Variants in MICU1 observed in about 807,000 individuals in gnomAD.
MICU1 encodes the protein calcium uptake protein 1, mitochondrial.
Under a neutral mutation model 56.8 loss-of-function variants are expected in MICU1, and 45 were observed. That is an observed-to-expected ratio of 0.79 (90% CI 0.62 to 1.02). MICU1 has a LOEUF of 1.02. Among genes scored for constraint, MICU1 ranks in the 50% least tolerant of loss-of-function variants. The pLI, the probability that MICU1 is intolerant of heterozygous loss-of-function variation, is 0.00. For missense variants in MICU1, 504 were observed against 587.1 expected (o/e 0.86, Z 1.46); for synonymous variants, 186 against 195.1 (o/e 0.95, Z 0.39).
At chr10:72,427,730 TAA>T (rs1491453188) in intron 8 of MICU1, among the ~76,000 whole-genome samples, 2 of 117,714 alleles carry the variant, frequency 1.7e-5, no homozygotes, top group Non-Finnish European at 3.3e-5. Flanking sequence ...ACCCCATCTC[TAA>T]AATATATATA....
intron 10 of MICU1, among the ~76,000 whole-genome samples, chr10:72,383,467 C>G (rs1013493467): frequency 6.6e-6 from 1 of 152,152 alleles, no homozygotes; most frequent in Non-Finnish European, 1.5e-5. Context: ...TGGTGGTGTA[C>G]TAAATATTGT....
intron 5 of MICU1, among the ~76,000 whole-genome samples, chr10:72,517,896 CT>C (rs1241202067): frequency 6.6e-6 from 1 of 151,896 alleles, no homozygotes; most frequent in Non-Finnish European, 1.5e-5. Flanking sequence ...GCAAACACCA[CT>C]TATACACTTC....
chr10:72,373,326 A>C (rs1280348177), intron 11 of MICU1, among the ~76,000 whole-genome samples: 1 of 151,880 alleles, frequency 6.6e-6, no homozygotes, highest in Admixed American at 6.6e-5. Context: ...CTACATGCAC[A>C]CACTACCACA....
chr10:72,371,337 A>C (rs1268681898), intron 11 of MICU1, among the ~76,000 whole-genome samples: 1 of 145,594 alleles, frequency 6.9e-6, no homozygotes, highest in East Asian at 2.0e-4. Context: ...CAGTGAGCCG[A>C]GATCGCACCA....
At chr10:72,431,090 G>GTCTATCTATCTATCTA (rs578019162) in intron 8 of MICU1, among the ~76,000 whole-genome samples, 4 of 101,954 alleles carry the variant, frequency 3.9e-5, no homozygotes, top group Non-Finnish European at 6.4e-5. Context: ...ACCTTTATCT[G>GTCTATCTATCTATCTA]TCTGTCTATC....
chr10:72,520,937 A>G (rs1867798792), intron 5 of MICU1, among the ~76,000 whole-genome samples: 1 of 152,120 alleles, frequency 6.6e-6, no homozygotes, highest in African/African-American at 2.4e-5. Context: ...AGCAGCTTTG[A>G]GCAGGGGAAT....
intron 8 of MICU1, among the ~76,000 whole-genome samples, chr10:72,439,844 T>C (rs1478931301): frequency 6.6e-6 from 1 of 152,094 alleles, no homozygotes; most frequent in Non-Finnish European, 1.5e-5. Flanking sequence ...TTACAAGGGA[T>C]TGTGAAGGAC....
chr10:72,432,459 G>A (rs1044856522), intron 8 of MICU1, among the ~76,000 whole-genome samples: 1 of 152,058 alleles, frequency 6.6e-6, no homozygotes. Flanking sequence ...TAGTCCATTT[G>A]TGTTGCTATA....
intron 8 of MICU1, among the ~76,000 whole-genome samples, chr10:72,459,307 G>A (rs773523830): frequency 8.5e-5 from 13 of 152,146 alleles, no homozygotes; most frequent in Non-Finnish European, 1.2e-4. Flanking sequence ...CTCCAGCCTG[G>A]GCGGCAGAGC....
rs573626125 is a variant in MICU1 at position 72,579,602 on chromosome 10, T to G, written c.-1-12808A>C. 1.7e-4 allele frequency among the ~76,000 whole-genome samples: 25 copies of G among 146,474 alleles called. No individual in the cohort carries two copies. The South Asian group carries it at 3.1e-3, about 18-fold the overall frequency. On this transcript the variant is annotated intron_variant, in intron 1 of 11. Coordinates refer to ENST00000361114, the MANE Select transcript of MICU1 (RefSeq NM_001195518.2). ...TTTTTTTCATTTTATTAATAGTATG[T>G]TTTTTTTTACCATTAAGTACATATG...
intron 1 of MICU1, among the ~76,000 whole-genome samples, chr10:72,606,976 G>T (rs1319475717): frequency 6.6e-6 from 1 of 152,150 alleles, no homozygotes; most frequent in Non-Finnish European, 1.5e-5. Flanking sequence ...AGCCTGGCAG[G>T]TCCTTTCCCC....
At chr10:72,459,280 G>A (rs1346444452) in intron 8 of MICU1, among the ~76,000 whole-genome samples, 3 of 151,994 alleles carry the variant, frequency 2.0e-5, no homozygotes, top group South Asian at 2.1e-4. Context: ...GCAGTGAGCC[G>A]AGATCACACC....
intron 11 of MICU1, 99 bp downstream of exon 11, chr10:72,375,684 G>A (rs1035616969): frequency 2.7e-6 from 3 of 1,099,040 alleles, no homozygotes; most frequent in Middle Eastern, 2.8e-4. Context: ...AAGAGGATGG[G>A]CTGGTACACA....
chr10:72,397,403 T>C (rs1006069555), intron 10 of MICU1, among the ~76,000 whole-genome samples: 1 of 152,140 alleles, frequency 6.6e-6, no homozygotes, highest in Admixed American at 6.5e-5. Context: ...GCGAACATCA[T>C]AATGACAGAA....
intron 11 of MICU1, 144 bp downstream of exon 11, chr10:72,375,639 G>T: frequency 1.5e-6 from 1 of 660,296 alleles, no homozygotes; most frequent in Non-Finnish European, 2.4e-6. Context: ...CATGCCAAGG[G>T]CTGAGGTGCT....
chr10:72,552,912 GGCTAGAT>G (rs1840070064), intron 3 of MICU1, among the ~76,000 whole-genome samples: 1 of 152,140 alleles, frequency 6.6e-6, no homozygotes, highest in African/African-American at 2.4e-5. Flanking sequence ...TGTCAGTCCT[GGCTAGAT>G]GTCACTTTGA....
At chr10:72,592,908 A>G (rs989366824) in intron 1 of MICU1, among the ~76,000 whole-genome samples, 2 of 150,924 alleles carry the variant, frequency 1.3e-5, no homozygotes, top group African/African-American at 4.9e-5. Flanking sequence ...TCAGCCTCCC[A>G]AGTACCTGAA....
chr10:72,565,161 A>T (rs947125331), intron 2 of MICU1, among the ~76,000 whole-genome samples: 1 of 151,902 alleles, frequency 6.6e-6, no homozygotes, highest in Non-Finnish European at 1.5e-5. Context: ...AGGATCATAC[A>T]TCATGCTGCT....
rs1278757268 is a variant in MICU1 at position 72,532,050 on chromosome 10, G to A, written c.537+1696C>T. ...AAGTTATTTATTGCTTGGTGTGGTGGCTCACGCCTGTAATCACAGCACTTT... is the reference window on the plus strand; with the variant it reads ...AAGTTATTTATTGCTTGGTGTGGTGACTCACGCCTGTAATCACAGCACTTT... On this transcript the variant is annotated intron_variant, in intron 5 of 11. Coordinates refer to ENST00000361114, the MANE Select transcript of MICU1 (RefSeq NM_001195518.2). Among the ~76,000 whole-genome samples the A allele has an allele frequency of 2.0e-5, 3 of 151,818 alleles. No individual in the cohort carries two copies. The East Asian group carries it at 5.9e-4, about 30-fold the overall frequency.
Sources: gnomAD v4.1 joint callset for allele counts (sites outside exome capture counted in the v4.1 genomes callset) on GRCh38, gnomAD v4.1.1 for gene constraint, MANE v1.5 for transcripts, NCBI Gene and HGNC (gene_info 2026-07-23, HGNC 2026-07-21) for gene names.